NDFIP2: variants seen among roughly 807,000 people sequenced by gnomAD.
NDFIP2 encodes Nedd4 family interacting protein 2, also known as NEDD4 family-interacting protein 2.
Under a neutral mutation model 36.0 loss-of-function variants are expected in NDFIP2, and 19 were observed. The ratio of observed to expected loss-of-function variants is 0.53; its 90% CI spans 0.37 to 0.77. The LOEUF is 0.77. Among genes scored for constraint, NDFIP2 ranks in the 30% least tolerant of loss-of-function variants. NDFIP2 has a pLI of 0.00. For missense variants in NDFIP2, 446 were observed against 435.8 expected, an observed-to-expected ratio of 1.02 and a Z score of -0.21; for synonymous variants, 181 against 167.7, an observed-to-expected ratio of 1.08 and a Z score of -0.61.
At chr13:79,492,469 A>G (rs767340442) in intron 1 of NDFIP2, among the ~76,000 whole-genome samples, 7 of 151,938 alleles carry the variant, frequency 4.6e-5, no homozygotes, top group Non-Finnish European at 8.8e-5. Flanking sequence ...AGTCTGGTGG[A>G]TCACAGCACT....
At chr13:79,492,956 T>G (rs1329882616) in intron 1 of NDFIP2, among the ~76,000 whole-genome samples, 2 of 152,164 alleles carry the variant, frequency 1.3e-5, no homozygotes, top group Non-Finnish European at 2.9e-5. Flanking sequence ...TGTTATTTTC[T>G]TCAAAAAACC....
At chr13:79,541,771 A>G (rs1334577420) in intron 4 of NDFIP2, among the ~76,000 whole-genome samples, 1 of 152,212 alleles carries the variant, frequency 6.6e-6, no homozygotes, top group Non-Finnish European at 1.5e-5. Context: ...TTCAGGTTAT[A>G]TAACTTGCAC....
chr13:79,516,423 G>A (rs1289231952), intron 1 of NDFIP2, among the ~76,000 whole-genome samples: 1 of 151,868 alleles, frequency 6.6e-6, no homozygotes, highest in Admixed American at 6.6e-5. Flanking sequence ...GGGTCTCCTT[G>A]TGTTGCCCAG....
intron 1 of NDFIP2, among the ~76,000 whole-genome samples, chr13:79,496,710 C>T (rs1873446863): frequency 6.6e-6 from 1 of 151,878 alleles, no homozygotes; most frequent in African/African-American, 2.4e-5. Context: ...CACTGTGGCT[C>T]TGTTGTATTA....
At chr13:79,530,732 A>G (rs1451756356) in intron 2 of NDFIP2, among the ~76,000 whole-genome samples, 4 of 152,306 alleles carry the variant, frequency 2.6e-5, no homozygotes, top group East Asian at 3.9e-4. Flanking sequence ...AAGTTTTACC[A>G]TGAGATTGCA....
chr13:79,500,512 A>G (rs1404487741), intron 1 of NDFIP2, among the ~76,000 whole-genome samples: 1 of 152,008 alleles, frequency 6.6e-6, no homozygotes, highest in Non-Finnish European at 1.5e-5. Flanking sequence ...AAACAGGACA[A>G]AAACCTTAAG....
chr13:79,497,137 T>C (rs957274618), intron 1 of NDFIP2, among the ~76,000 whole-genome samples: 1 of 152,014 alleles, frequency 6.6e-6, no homozygotes, highest in African/African-American at 2.4e-5. Context: ...GAATGTTGGT[T>C]GTTTTGTTTT....
intron 7 of NDFIP2, among the ~76,000 whole-genome samples, chr13:79,551,754 C>T (rs771969479): frequency 8.6e-5 from 13 of 151,300 alleles, no homozygotes; most frequent in Non-Finnish European, 1.5e-4. Context: ...TTCTGGAGGT[C>T]GTGGGTATAG....
At chr13:79,511,571 T>C (rs1241901671) in intron 1 of NDFIP2, among the ~76,000 whole-genome samples, 2 of 152,192 alleles carry the variant, frequency 1.3e-5, no homozygotes, top group Non-Finnish European at 2.9e-5. Context: ...CATAGAAATC[T>C]GTGAGGTGTG....
At chr13:79,519,798 G>A (rs1874496492) in intron 1 of NDFIP2, among the ~76,000 whole-genome samples, 1 of 152,094 alleles carries the variant, frequency 6.6e-6, no homozygotes, top group African/African-American at 2.4e-5. Flanking sequence ...TTGTTGGTTT[G>A]TTTGTTTTTG....
chr13:79,550,224 A>G (rs1046239127), intron 6 of NDFIP2, among the ~76,000 whole-genome samples: 5 of 151,788 alleles, frequency 3.3e-5, no homozygotes, highest in African/African-American at 1.2e-4. Context: ...GTAATGTTTT[A>G]TACTTATCTA....
rs143612506 is a variant in NDFIP2 at position 79,533,335 on chromosome 13, A to T, written c.500A>T (p.Tyr167Phe). ...ATTCTTTCTTCAGATACAGAAGTTT[A>T]CGGTGAGTTTTATCCCGTGCCACCT... is the stretch of plus-strand genomic sequence containing the variant. Reference protein sequence around the residue: ...EVPTTSDTEVYGEFYPVPPPY... With the variant: ...EVPTTSDTEVFGEFYPVPPPY... Residue 167 changes from tyrosine (Y) to phenylalanine (F), a missense_variant, in exon 3 of 8, where the codon TAC becomes TTC. By Grantham distance (22) the Tyr-to-Phe change is conservative (BLOSUM62 3). This residue lies in a region of NDFIP2 where 369 missense variants were observed against 304.8 expected (regional missense o/e 1.21). Transcript: ENST00000218652. 11 of 1,601,038 alleles carry T rather than the reference A, an allele frequency of 6.9e-6. No individual in the cohort carries two copies. The highest frequency in any genetic ancestry group is 7.7e-6 in the Non-Finnish European group (9 of 1,175,574).
At chr13:79,496,949 C>T (rs912953967) in intron 1 of NDFIP2, among the ~76,000 whole-genome samples, 4 of 151,816 alleles carry the variant, frequency 2.6e-5, no homozygotes, top group Non-Finnish European at 5.9e-5. Context: ...GCTTTGTTTC[C>T]TGAAACGTAG....
At chr13:79,526,779 AC>A (rs1874812058) in intron 2 of NDFIP2, among the ~76,000 whole-genome samples, 1 of 152,202 alleles carries the variant, frequency 6.6e-6, no homozygotes, top group African/African-American at 2.4e-5. Context: ...CCTAGCACTT[AC>A]TGTGTGCTTA....
rs1566662686 is a variant in NDFIP2, at chr13:79,525,068, CA to C, written c.487+4094del. ...TCTTCATTAGCAGACACAGACTCTCCAGTAATTTTATATTTTTTAGTCCAAA... is the reference window on the plus strand; with the variant it reads ...TCTTCATTAGCAGACACAGACTCTCCGTAATTTTATATTTTTTAGTCCAAA... On this transcript the variant is annotated intron_variant, in intron 2 of 7. Transcript: ENST00000218652. Among the ~76,000 whole-genome samples, 11 of 152,292 alleles carry C rather than the reference CA, an allele frequency of 7.2e-5. No individual in the cohort carries two copies. The South Asian group carries it at 2.3e-3, about 32-fold the overall frequency.
At position 79,481,291 on chromosome 13, in the gene NDFIP2, A is replaced by ACCGCGACCAACGCGGAGGTCT. The variant is rs1476810288; in HGVS notation, c.90_110dup (p.Thr32_Ala38dup). On this transcript the variant is annotated inframe_insertion, in exon 1 of 8. Transcript: ENST00000218652. ...CGGCGCCCCGGAGCTTCTCCGCGGA[A>ACCGCGACCAACGCGGAGGTCT]CCGCGACCAACGCGGAGGTCTCGGC... 1.3e-6 allele frequency: 2 copies of ACCGCGACCAACGCGGAGGTCT among 1,539,640 alleles called. No individual in the cohort carries two copies. The highest frequency in any genetic ancestry group is 1.7e-6 in the Non-Finnish European group (2 of 1,146,296).
intron 1 of NDFIP2, among the ~76,000 whole-genome samples, chr13:79,501,460 A>G (rs1258338939): frequency 3.3e-5 from 5 of 152,040 alleles, no homozygotes. Flanking sequence ...CTGTGGATCT[A>G]AATCTCTAAG....
intron 1 of NDFIP2, among the ~76,000 whole-genome samples, chr13:79,483,408 T>C (rs1324875078): frequency 6.6e-6 from 1 of 152,182 alleles, no homozygotes; most frequent in Non-Finnish European, 1.5e-5. Context: ...AAAAGCTGAA[T>C]TGACATTTTC....
At chr13:79,522,234 AT>A (rs1331905999) in intron 2 of NDFIP2, among the ~76,000 whole-genome samples, 1 of 152,198 alleles carries the variant, frequency 6.6e-6, no homozygotes, top group Non-Finnish European at 1.5e-5. Context: ...TAGCTATAAG[AT>A]TTAACAGCTG....
Sources: gnomAD v4.1 joint callset for allele counts (sites outside exome capture counted in the v4.1 genomes callset) on GRCh38, gnomAD v4.1.1 for gene constraint, gnomAD v4.1.1 regional missense constraint, MANE v1.5 for transcripts, NCBI Gene and HGNC (gene_info 2026-07-23, HGNC 2026-07-21) for gene names.